ACP3: variants seen among roughly 807,000 people sequenced by gnomAD.
The protein encoded by ACP3 is acid phosphatase 3, also known as prostatic acid phosphatase.
ACP3 carries 38 observed loss-of-function variants against 45.6 expected under a neutral mutation model. The observed-to-expected ratio is 0.83, with a 90% CI of 0.64 to 1.09. The LOEUF (loss-of-function observed/expected upper bound fraction) is 1.09, where lower values mean the gene tolerates loss of function less well. Among genes scored for constraint, ACP3 ranks in the 50% least tolerant of loss-of-function variants. The pLI, the probability that ACP3 is intolerant of heterozygous loss-of-function variation, is 0.00. For missense variants in ACP3, 466 were observed against 463.2 expected, an observed-to-expected ratio of 1.01 and a Z score of -0.05; for synonymous variants, 162 against 164.7, an observed-to-expected ratio of 0.98 and a Z score of 0.13.
intron 1 of ACP3, among the ~76,000 whole-genome samples, chr3:132,325,122 A>G (rs898374187): frequency 6.6e-6 from 1 of 152,242 alleles, no homozygotes; most frequent in Non-Finnish European, 1.5e-5. Flanking sequence ...CCACAGAATT[A>G]AAAGAATGTC....
chr3:132,330,823 A>G (rs1400123097), intron 2 of ACP3, among the ~76,000 whole-genome samples: 1 of 152,196 alleles, frequency 6.6e-6, no homozygotes, highest in African/African-American at 2.4e-5. Context: ...GTGCTCTACT[A>G]CATGCATCTG....
intron 9 of ACP3, among the ~76,000 whole-genome samples, chr3:132,354,931 A>G (rs1346599203): frequency 6.6e-6 from 1 of 152,210 alleles, no homozygotes; most frequent in Non-Finnish European, 1.5e-5. Context: ...TGTTTCCCAG[A>G]TATATTCACT....
intron 10 of ACP3, among the ~76,000 whole-genome samples, chr3:132,364,740 T>C (rs770949708): frequency 5.3e-5 from 8 of 152,188 alleles, no homozygotes; most frequent in Non-Finnish European, 1.0e-4. Context: ...GGTACATGTG[T>C]GCTCACCACA....
intron 5 of ACP3, among the ~76,000 whole-genome samples, chr3:132,342,104 T>C (rs953198359): frequency 2.6e-5 from 4 of 152,244 alleles, no homozygotes; most frequent in Non-Finnish European, 4.4e-5. Flanking sequence ...ACATGAGTTA[T>C]ACTTTACCCA....
chr3:132,325,931 C>T (rs1046239111), intron 1 of ACP3, among the ~76,000 whole-genome samples: 1 of 152,200 alleles, frequency 6.6e-6, no homozygotes, highest in African/African-American at 2.4e-5. Flanking sequence ...ATGAGAAGCA[C>T]TTAGCACAGT....
At chr3:132,367,932 G>C (rs1019028369) in exon 11 of ACP3, 2 of 826,728 alleles carry the variant, frequency 2.4e-6, no homozygotes, top group Non-Finnish European at 4.0e-6. Flanking sequence ...CTCACACCCT[G>C]CCTTTTGAAT....
chr3:132,347,844 T>TACACACAAACACACACACACAC (rs1937630588), intron 7 of ACP3, among the ~76,000 whole-genome samples: 1 of 144,906 alleles, frequency 6.9e-6, no homozygotes, highest in Admixed American at 6.9e-5. Flanking sequence ...CACACACACA[T>TACACACAAACACACACACACAC]ACACACACAC....
intron 6 of ACP3, 65 bp from the exon 7 acceptor site, chr3:132,344,862 T>C (rs1367570897): frequency 1.9e-6 from 3 of 1,569,688 alleles, no homozygotes; most frequent in Non-Finnish European, 2.6e-6. Context: ...TGAAAAAGGA[T>C]AAGTCAACAA....
At chr3:132,350,037 T>C (rs1452464239) in intron 8 of ACP3, 35 bp downstream of exon 8, 1 of 1,410,826 alleles carries the variant, frequency 7.1e-7, no homozygotes, top group Non-Finnish European at 1.0e-6. Flanking sequence ...CATATGTTTG[T>C]TCAAGTGTGT....
downstream of ACP3, among the ~76,000 whole-genome samples, chr3:132,363,710 G>T (rs149618618): frequency 5.9e-4 from 90 of 152,044 alleles, no homozygotes; most frequent in African/African-American, 2.0e-3. Flanking sequence ...AGGCCGAGGG[G>T]GTGAATCACC....
intron 7 of ACP3, among the ~76,000 whole-genome samples, chr3:132,347,007 T>C (rs939825096): frequency 3.9e-5 from 6 of 152,238 alleles, no homozygotes; most frequent in Admixed American, 3.9e-4. Flanking sequence ...GTTGCTCCAC[T>C]TTCCTCATGT....
Position 132,349,953 on chromosome 3 carries a change from A to G in ACP3, c.815A>G (p.Lys272Arg), listed in dbSNP as rs1937683044. 1.2e-6 allele frequency: 2 copies of G among 1,613,124 alleles called. No homozygotes were observed. The highest frequency in any genetic ancestry group is 8.5e-7 in the Non-Finnish European group (1 of 1,179,146). Residue 272 changes from lysine to arginine, a missense_variant, in exon 8 of 10, where the codon AAG (lysine) becomes AGG (arginine). By Grantham distance (26) the Lys-to-Arg change is conservative (BLOSUM62 2). Transcript: ENST00000336375. ...VLVNEILNHM[K>R]RATQIPSYKK... ...GTCAATGAAATCCTCAATCACATGA[A>G]GAGAGCAACTCAGATACCAAGCTAC...
At chr3:132,334,487 C>T (rs544337758) in intron 4 of ACP3, among the ~76,000 whole-genome samples, 62 of 152,156 alleles carry the variant, frequency 4.1e-4, no homozygotes, top group Non-Finnish European at 6.5e-4. Flanking sequence ...TATAAGATGG[C>T]GGGCAATAAT....
chr3:132,363,576 A>G (rs1334960526), downstream of ACP3, among the ~76,000 whole-genome samples: 1 of 152,174 alleles, frequency 6.6e-6, no homozygotes, highest in Non-Finnish European at 1.5e-5. Flanking sequence ...AGGTATTTTC[A>G]ATAGTTCTCT....
chr3:132,360,964 G>A (rs1938030182), downstream of ACP3, among the ~76,000 whole-genome samples: 1 of 152,154 alleles, frequency 6.6e-6, no homozygotes, highest in Non-Finnish European at 1.5e-5. Flanking sequence ...CCTTGTGGCT[G>A]AGCTCAGAAG....
intron 9 of ACP3, 61 bp downstream of exon 9, chr3:132,352,884 T>G (rs1937789693): frequency 1.6e-6 from 2 of 1,276,636 alleles, no homozygotes; most frequent in Admixed American, 3.4e-5. Flanking sequence ...ATTATTATTA[T>G]TTTGGGTTAA....
At chr3:132,353,440 A>T (rs755760352) in intron 9 of ACP3, among the ~76,000 whole-genome samples, 2 of 152,242 alleles carry the variant, frequency 1.3e-5, no homozygotes, top group Non-Finnish European at 2.9e-5. Context: ...CTGGGGAAGA[A>T]TTGATTATCA....
chr3:132,328,471 G>A (rs1278047181), intron 2 of ACP3, 109 bp downstream of exon 2: 1 of 810,464 alleles, frequency 1.2e-6, no homozygotes, highest in East Asian at 3.0e-5. Flanking sequence ...CTGAGGTCAG[G>A]AGTTCGAGAC....
At chr3:132,338,989 A>C (rs1214920311) in intron 5 of ACP3, among the ~76,000 whole-genome samples, 2 of 152,144 alleles carry the variant, frequency 1.3e-5, no homozygotes, top group African/African-American at 4.8e-5. Flanking sequence ...TATAAAGCCT[A>C]GTACTCATTG....
Sources: allele counts gnomAD v4.1 joint callset (sites outside exome capture counted in the v4.1 genomes callset), GRCh38; gene constraint gnomAD v4.1.1; transcripts MANE v1.5; gene names NCBI Gene and HGNC (gene_info 2026-07-23, HGNC 2026-07-21).